Variants in DPP6 observed in about 807,000 individuals in gnomAD.
DPP6 encodes dipeptidyl peptidase like 6.
In DPP6, 69 loss-of-function variants were observed where a neutral mutation model predicts 122.6. The ratio of observed to expected loss-of-function variants is 0.56; its 90% confidence interval spans 0.46 to 0.69. The LOEUF is 0.69. Among genes scored for constraint, DPP6 ranks in the 30% least tolerant of loss-of-function variants. DPP6 has a pLI of 0.00. For synonymous variants in DPP6, 418 were observed against 433.1 expected, an observed-to-expected ratio of 0.97 and a Z score of 0.43; for missense variants, 928 against 1,116.9, an observed-to-expected ratio of 0.83 and a Z score of 2.41.
intron 16 of DPP6, among the ~76,000 whole-genome samples, chr7:154,846,288 T>C (rs894086887): frequency 6.6e-6 from 1 of 152,082 alleles, no homozygotes; most frequent in Admixed American, 6.6e-5. Context: ...AATACATTTA[T>C]ATTCTTTTCT....
intron 3 of DPP6, among the ~76,000 whole-genome samples, chr7:154,494,491 C>T (rs1333510681): frequency 1.3e-5 from 2 of 151,154 alleles, no homozygotes; most frequent in African/African-American, 2.4e-5. Context: ...AGTGACACAT[C>T]ACACAAATGA....
intron 1 of DPP6, among the ~76,000 whole-genome samples, chr7:154,203,783 G>A (rs1428926265): frequency 2.6e-5 from 4 of 152,140 alleles, no homozygotes; most frequent in Admixed American, 6.5e-5. Context: ...AGAGGCAGGC[G>A]GATATTTGTC....
intron 1 of DPP6, among the ~76,000 whole-genome samples, chr7:154,335,270 C>T (rs926897153): frequency 2.6e-5 from 4 of 152,194 alleles, no homozygotes. Context: ...GGATGCTTCT[C>T]ACATCTCTTA....
intron 3 of DPP6, among the ~76,000 whole-genome samples, chr7:154,496,817 A>G (rs1205587218): frequency 1.3e-5 from 2 of 152,164 alleles, no homozygotes; most frequent in Non-Finnish European, 2.9e-5. Flanking sequence ...TTCACGTGAC[A>G]CCTGCTTGTT....
chr7:154,749,559 T>G lies in DPP6; in HGVS notation c.884-19858T>G, dbSNP rs188955431. On this transcript the variant is annotated intron_variant, in intron 8 of 25. Transcript: ENST00000377770. The stretch of plus-strand genomic sequence containing the variant: ...ACGGGAGAGAGAGGGATGGAGGCTT[T>G]ACTGAGAGATGGTCAGGGAGCATAG... Among the ~76,000 whole-genome samples, 106 of 125,434 alleles carry G rather than the reference T, an allele frequency of 8.5e-4. 1 individual carries two copies. Among genetic ancestry groups the G allele is most frequent in the African/African-American group, 3.2e-3 (99 of 30,846 alleles). 82.3% of individuals were successfully genotyped at this position (125,434 alleles called of 152,430 possible).
At chr7:154,868,695 T>A (rs577192845) in intron 18 of DPP6, among the ~76,000 whole-genome samples, 1 of 152,150 alleles carries the variant, frequency 6.6e-6, no homozygotes, top group African/African-American at 2.4e-5. Context: ...GACTCACAGC[T>A]CTAGGAGGGA....
intron 1 of DPP6, among the ~76,000 whole-genome samples, chr7:154,017,093 G>A (rs1798452506): frequency 6.6e-6 from 1 of 152,032 alleles, no homozygotes; most frequent in South Asian, 2.1e-4. Flanking sequence ...TTTGAGACAG[G>A]GTCTCACTCT....
chr7:154,519,759 T>G (rs1016963563), intron 3 of DPP6, among the ~76,000 whole-genome samples: 1 of 152,230 alleles, frequency 6.6e-6, no homozygotes, highest in African/African-American at 2.4e-5. Context: ...ACAAGCTTTA[T>G]CATAGATTCT....
At position 154,483,231 on chromosome 7, in the gene DPP6, C is replaced by T. The variant is rs1433366243; in HGVS notation, c.457+8194C>T. Among the ~76,000 whole-genome samples, 4 of 152,182 alleles carry T rather than the reference C, an allele frequency of 2.6e-5. No individual in the cohort carries two copies. The highest frequency in any genetic ancestry group is 3.4e-3 in the Middle Eastern group (1 of 294). On this transcript the variant is annotated intron_variant, in intron 3 of 25. Transcript: ENST00000377770. The surrounding 1 kb of genome is among the most constrained non-coding windows in gnomAD (Gnocchi z 8.1). ...AGTTAGTGTGCTGCCGATTTTGTAACGGCAGATGTAAATGAAAAACCACCC... is the reference window on the plus strand; with the variant it reads ...AGTTAGTGTGCTGCCGATTTTGTAATGGCAGATGTAAATGAAAAACCACCC...
At chr7:153,910,234 C>CTTTTTTCTTTTTCTT (rs750065238) in intron 1 of DPP6, among the ~76,000 whole-genome samples, 1 of 137,752 alleles carries the variant, frequency 7.3e-6, no homozygotes, top group African/African-American at 2.7e-5. Context: ...TTCTTTCTTT[C>CTTTTTTCTTTTTCTT]TTTTTTTTTT....
chr7:154,050,091 G>GCC (rs1183621897), upstream of DPP6, among the ~76,000 whole-genome samples: 3 of 152,220 alleles, frequency 2.0e-5, no homozygotes, highest in East Asian at 5.8e-4. Context: ...GCTCTTTCCT[G>GCC]CCCTCCGTTT....
the DPP6 span, among the ~76,000 whole-genome samples, chr7:153,783,393 CATT>C: frequency 1.3e-5 from 2 of 152,120 alleles, no homozygotes; most frequent in Admixed American, 1.3e-4. Context: ...GAGCCTCACT[CATT>C]ATCACAAGAA....
the DPP6 span, among the ~76,000 whole-genome samples, chr7:153,764,737 TGGAGTTC>T: frequency 6.6e-6 from 1 of 150,886 alleles, no homozygotes; most frequent in Non-Finnish European, 1.5e-5. Flanking sequence ...CTCTATTGGG[TGGAGTTC>T]CTTACAAAAT....
intron 1 of DPP6, among the ~76,000 whole-genome samples, chr7:154,423,291 T>G (rs986553221): frequency 6.6e-6 from 1 of 152,148 alleles, no homozygotes; most frequent in African/African-American, 2.4e-5. Flanking sequence ...GGTGAAAAAC[T>G]CCGAGGGTTA....
intron 6 of DPP6, among the ~76,000 whole-genome samples, chr7:154,668,134 C>T (rs1838280752): frequency 7.1e-6 from 1 of 139,992 alleles, no homozygotes; most frequent in Non-Finnish European, 1.5e-5. Context: ...CCTCCCTTTC[C>T]AAAGGCCATT....
chr7:154,337,008 G>A (rs930222129), intron 1 of DPP6, among the ~76,000 whole-genome samples: 5 of 152,234 alleles, frequency 3.3e-5, no homozygotes, highest in Admixed American at 1.3e-4. Flanking sequence ...GATATTATCC[G>A]GGGCCCGAGC....
At chr7:154,715,293 T>A (rs1248003573) in intron 7 of DPP6, among the ~76,000 whole-genome samples, 1 of 152,190 alleles carries the variant, frequency 6.6e-6, no homozygotes, top group Non-Finnish European at 1.5e-5. Context: ...GGTCTCGAAC[T>A]CCTAACATCA....
intron 1 of DPP6, among the ~76,000 whole-genome samples, chr7:154,379,163 G>A (rs542969437): frequency 2.0e-5 from 3 of 152,204 alleles, no homozygotes; most frequent in Non-Finnish European, 4.4e-5. Context: ...ATTACAACTC[G>A]GTTCCAAGAG....
intron 1 of DPP6, among the ~76,000 whole-genome samples, chr7:154,074,034 TGTATGTAA>T (rs1167121848): frequency 0.17 from 24,608 of 144,258 alleles, 144 homozygotes; most frequent in Admixed American, 0.23. Flanking sequence ...TATGTATGTA[TGTATGTAA>T]GTATCTATCT....
Sources: allele counts gnomAD v4.1 joint callset (sites outside exome capture counted in the v4.1 genomes callset), GRCh38; gene constraint gnomAD v4.1.1; non-coding constraint Gnocchi (gnomAD v3.1); transcripts MANE v1.5; gene names NCBI Gene and HGNC (gene_info 2026-07-23, HGNC 2026-07-21).